Variants in KCNA6 observed in about 807,000 individuals in gnomAD.
The protein encoded by KCNA6 is potassium voltage-gated channel subfamily A member 6, also known as human brain potassium channel-2.
Under a neutral mutation model 29.5 loss-of-function variants are expected in KCNA6, and 17 were observed. The ratio of observed to expected loss-of-function variants is 0.58; its 90% confidence interval spans 0.39 to 0.86. The LOEUF (loss-of-function observed/expected upper bound fraction) is 0.86, where lower values mean the gene tolerates loss of function less well. KCNA6 is among the 40% of genes least tolerant of loss of function. The probability of loss-of-function intolerance (pLI) is 0.00; values close to 1 mark genes in which losing one functional copy is unlikely to be tolerated. For missense variants in KCNA6, 450 were observed against 703.4 expected, an observed-to-expected ratio of 0.64 and a Z score of 4.07; for synonymous variants, 296 against 304.7, an observed-to-expected ratio of 0.97 and a Z score of 0.30.
At chr12:4,819,206 C>G in the KCNA6 span, among the ~76,000 whole-genome samples, 1 of 152,194 alleles carries the variant, frequency 6.6e-6, no homozygotes, top group Non-Finnish European at 1.5e-5. Context: ...AGTACTGCCA[C>G]TGATCTCCCT....
At chr12:4,826,741 C>A in the KCNA6 span, among the ~76,000 whole-genome samples, 1 of 152,214 alleles carries the variant, frequency 6.6e-6, no homozygotes, top group East Asian at 1.9e-4. Flanking sequence ...TGCCTGAAAA[C>A]TTGACAGACT....
the KCNA6 span, among the ~76,000 whole-genome samples, chr12:4,819,381 C>G: frequency 6.6e-6 from 1 of 152,232 alleles, no homozygotes; most frequent in Non-Finnish European, 1.5e-5. Flanking sequence ...GTTCCAGTGG[C>G]TTTCAAACTT....
the KCNA6 span, among the ~76,000 whole-genome samples, chr12:4,846,012 A>G: frequency 1.9e-5 from 2 of 105,418 alleles, no homozygotes; most frequent in East Asian, 4.4e-4. Context: ...GAATATTTGC[A>G]TATACATAAT....
chr12:4,851,000 GACC>G, the KCNA6 span: 1 of 340,034 alleles, frequency 2.9e-6, no homozygotes, highest in South Asian at 2.3e-5. This position sits in a 1 kb window ranked among gnomAD's most constrained non-coding sequence, Gnocchi z 5.4. Flanking sequence ...TGAGCAAAGA[GACC>G]AGCTATGGGG....
At chr12:4,816,123 A>G (rs1388745761), downstream of KCNA6, among the ~76,000 whole-genome samples, 1 of 152,196 alleles carries the variant, frequency 6.6e-6, no homozygotes, top group Non-Finnish European at 1.5e-5. Flanking sequence ...CTAGAAGCTT[A>G]GCATGTCTAA....
chr12:4,846,148 C>T, the KCNA6 span, among the ~76,000 whole-genome samples: 10 of 152,096 alleles, frequency 6.6e-5, no homozygotes, highest in East Asian at 3.8e-4. Flanking sequence ...TTGTGTACAT[C>T]GAACCCCCAG....
the KCNA6 span, among the ~76,000 whole-genome samples, chr12:4,835,735 A>G: frequency 6.6e-6 from 1 of 152,062 alleles, no homozygotes; most frequent in Non-Finnish European, 1.5e-5. Context: ...GCCCACAAAG[A>G]CATCAACTCA....
At chr12:4,835,156 A>G in the KCNA6 span, among the ~76,000 whole-genome samples, 10 of 140,982 alleles carry the variant, frequency 7.1e-5, no homozygotes, top group South Asian at 8.8e-4. Context: ...TTTTTTTGAG[A>G]CAGAGTCTTG....
chr12:4,850,620 A>G, the KCNA6 span: 16 of 324,328 alleles, frequency 4.9e-5, no homozygotes, highest in South Asian at 3.7e-4. The surrounding 1 kb of genome is among the most constrained non-coding windows in gnomAD (Gnocchi z 5.4). Flanking sequence ...TCACTAGGCA[A>G]ATGCCAGCGG....
downstream of KCNA6, among the ~76,000 whole-genome samples, chr12:4,816,459 T>C (rs148164149): frequency 1.9e-4 from 29 of 152,292 alleles, no homozygotes; most frequent in Non-Finnish European, 3.8e-4. Flanking sequence ...TTATTCATTA[T>C]ACAGGACTAC....
the KCNA6 span, among the ~76,000 whole-genome samples, chr12:4,845,984 G>GTTTTTT: frequency 0.026 from 3,376 of 129,360 alleles, 212 homozygotes; most frequent in African/African-American, 0.09. Flanking sequence ...GAATTTTAGA[G>GTTTTTT]TTTTTTTTTT....
At chr12:4,828,738 T>A in the KCNA6 span, among the ~76,000 whole-genome samples, 1 of 152,094 alleles carries the variant, frequency 6.6e-6, no homozygotes, top group Non-Finnish European at 1.5e-5. Flanking sequence ...AGCCAGTAAG[T>A]GGGGTGGTAG....
chr12:4,814,082 C>G (rs1293997241), downstream of KCNA6: 1 of 167,078 alleles, frequency 6.0e-6, no homozygotes, highest in African/African-American at 2.4e-5. The surrounding 1 kb of genome is among the most constrained non-coding windows in gnomAD (Gnocchi z 4.6). Flanking sequence ...AGTGCCAGGG[C>G]ACGGATGTGG....
the KCNA6 span, among the ~76,000 whole-genome samples, chr12:4,842,331 G>A: frequency 0.086 from 13,101 of 152,138 alleles, 690 homozygotes; most frequent in Non-Finnish European, 0.11. Flanking sequence ...GTATGAGCAC[G>A]GTGAGCCTGG....
At chr12:4,846,282 T>C in the KCNA6 span, among the ~76,000 whole-genome samples, 9 of 152,168 alleles carry the variant, frequency 5.9e-5, no homozygotes, top group Non-Finnish European at 1.2e-4. Flanking sequence ...CTTTTTAATT[T>C]TTATTTTTTA....
At chr12:4,823,782 TAATAA>T in the KCNA6 span, among the ~76,000 whole-genome samples, 2 of 152,018 alleles carry the variant, frequency 1.3e-5, no homozygotes, top group African/African-American at 4.8e-5. Flanking sequence ...AATAAATAAA[TAATAA>T]AATAAAATGG....
At chr12:4,834,752 C>T in the KCNA6 span, among the ~76,000 whole-genome samples, 1 of 152,164 alleles carries the variant, frequency 6.6e-6, no homozygotes, top group African/African-American at 2.4e-5. Context: ...GGACTACAGG[C>T]CAAAGTGGGG....
chr12:4,824,845 T>C, the KCNA6 span, among the ~76,000 whole-genome samples: 1 of 152,250 alleles, frequency 6.6e-6, no homozygotes, highest in Admixed American at 6.5e-5. Flanking sequence ...GGCTTTACCT[T>C]CAACATTTCA....
chr12:4,815,352 C>T (rs116511289), downstream of KCNA6, among the ~76,000 whole-genome samples: 1,184 of 152,300 alleles, frequency 7.8e-3, 11 homozygotes, highest in African/African-American at 0.027. Flanking sequence ...GGAGGCAAGT[C>T]CTGAACCTGC....
Sources: gnomAD v4.1 joint callset for allele counts (sites outside exome capture counted in the v4.1 genomes callset) on GRCh38, gnomAD v4.1.1 for gene constraint, Gnocchi (gnomAD v3.1) non-coding constraint, MANE v1.5 for transcripts, NCBI Gene and HGNC (gene_info 2026-07-23, HGNC 2026-07-21) for gene names.